Variants in ARHGAP36 observed in about 807,000 individuals in gnomAD.
ARHGAP36 encodes the protein rho GTPase-activating protein 36.
A neutral mutation model predicts 32.9 loss-of-function variants in ARHGAP36; 7 were observed. The observed-to-expected ratio is 0.21, with a 90% CI of 0.12 to 0.40. The LOEUF is 0.40. ARHGAP36 is among the 10% of genes least tolerant of loss of function. The pLI is 1.00. For missense variants in ARHGAP36, 383 were observed against 442.2 expected, an observed-to-expected ratio of 0.87 and a Z score of 1.20; for synonymous variants, 165 against 168.3, an observed-to-expected ratio of 0.98 and a Z score of 0.15.
chrX:131,064,016 T>A (rs1386683346), intron 1 of ARHGAP36, among the ~76,000 whole-genome samples: 9 of 111,986 alleles, frequency 8.0e-5, no homozygotes, highest in Admixed American at 4.7e-4. Context: ...TCAACGTAGG[T>A]GGCTGCTAGA....
In ARHGAP36 at chrX:131,088,764, C is replaced by T. The variant is rs367946269; in HGVS notation, c.1623C>T (p.Gly541=). ...CCCGGGAGAAGGAGGCCAAAACTGG[C>T]GTCAGCTACTTCTTTCCTTAGATGT... is the stretch of plus-strand genomic sequence containing the variant. The part of the protein sequence containing the change: ...RVPREKEAKT[G]VSYFFP Residue 541 remains glycine, a synonymous_variant, in exon 12 of 12, where the codon GGC becomes GGT. Coordinates refer to ENST00000276211, the MANE Select transcript of ARHGAP36 (RefSeq NM_144967.4). 82 of 1,207,299 alleles carry T rather than the reference C, an allele frequency of 6.8e-5. No homozygotes were observed. The highest frequency in any genetic ancestry group is 8.8e-5 in the Non-Finnish European group (79 of 894,308).
At chrX:131,086,481 G>C in intron 10 of ARHGAP36, 55 bp downstream of exon 10, 1 of 1,199,570 alleles carries the variant, frequency 8.3e-7, no homozygotes, top group South Asian at 1.8e-5. Flanking sequence ...CTCCTATGGG[G>C]TTTTCCAACT....
intron 1 of ARHGAP36, among the ~76,000 whole-genome samples, chrX:131,071,009 C>T (rs769560705): frequency 1.8e-5 from 2 of 110,584 alleles, no homozygotes; most frequent in African/African-American, 6.6e-5. Context: ...AAAAAGCAAG[C>T]GTCACCAGAA....
Position 131,086,349 on chromosome X carries a change from G to A in ARHGAP36, c.1302G>A (p.Arg434=), listed in dbSNP as rs2079835430. The change falls in exon 10 of 12, where the codon AGG becomes AGA. Residue 434 remains arginine (R), a synonymous_variant. Coordinates refer to ENST00000276211, the MANE Select transcript of ARHGAP36 (RefSeq NM_144967.4). ...CTCAGGTGCCTCCCCATATTCAGAG[G>A]CAGGTTGCTAAGCGCGTGTGGAAGT... ...VLFQVPPHIQ[R]QVAKRVWKSS... 8.3e-7 allele frequency: 1 copy of A among 1,211,867 alleles called. No individual in the cohort carries two copies. Among genetic ancestry groups the A allele is most frequent in the African/African-American group, 1.7e-5 (1 of 57,785 alleles).
intron 1 of ARHGAP36, among the ~76,000 whole-genome samples, chrX:131,058,785 A>G (rs903945832): frequency 3.5e-5 from 4 of 113,284 alleles, no homozygotes; most frequent in Non-Finnish European, 7.5e-5. Flanking sequence ...CTCAAGGCCC[A>G]AGGATGAATG....
At chrX:131,073,292 C>A (rs1184403277) in intron 1 of ARHGAP36, among the ~76,000 whole-genome samples, 1 of 113,014 alleles carries the variant, frequency 8.8e-6, no homozygotes, top group Non-Finnish European at 1.9e-5. Flanking sequence ...CTGGAGCTAC[C>A]CAGGGGCAGG....
Position 131,077,031 on chromosome X carries a change from A to G in ARHGAP36, c.-142-4493A>G, listed in dbSNP as rs186135463. Reference sequence around the variant, plus strand: ...TTGGAGCGTCATCACCACATTGTATAAAATGAGCCATATTGTTCATTGCAT... The same window carrying G: ...TTGGAGCGTCATCACCACATTGTATGAAATGAGCCATATTGTTCATTGCAT... On this transcript the variant is annotated intron_variant, in intron 1 of 11. Coordinates refer to ENST00000276211, the MANE Select transcript of ARHGAP36 (RefSeq NM_144967.4). 4.9e-3 allele frequency among the ~76,000 whole-genome samples: 552 copies of G among 112,374 alleles called. 4 individuals carry two copies. Among genetic ancestry groups the G allele is most frequent in the African/African-American group, 0.016 (510 of 30,940 alleles).
chrX:131,074,254 G>T (rs935290939), intron 1 of ARHGAP36, among the ~76,000 whole-genome samples: 2 of 111,692 alleles, frequency 1.8e-5, no homozygotes, highest in Admixed American at 1.9e-4. Flanking sequence ...AGATATTGAT[G>T]ACCCTTCTTT....
At chrX:131,076,293 A>G (rs1201864619) in intron 1 of ARHGAP36, among the ~76,000 whole-genome samples, 1 of 112,428 alleles carries the variant, frequency 8.9e-6, no homozygotes, top group African/African-American at 3.2e-5. Flanking sequence ...GGAAAAAATG[A>G]TATGCATGAC....
At chrX:131,065,060 T>C (rs1007022695) in intron 1 of ARHGAP36, among the ~76,000 whole-genome samples, 4 of 111,074 alleles carry the variant, frequency 3.6e-5, no homozygotes, top group Admixed American at 1.9e-4. Context: ...TGTGTGTGTG[T>C]GTGTGTGTCT....
At chrX:131,072,636 T>C (rs1449213957) in intron 1 of ARHGAP36, among the ~76,000 whole-genome samples, 2 of 111,259 alleles carry the variant, frequency 1.8e-5, no homozygotes, top group Admixed American at 9.5e-5. Context: ...TACTGTGAGA[T>C]TGTGTGGCAT....
intron 9 of ARHGAP36, 117 bp from the exon 10 acceptor site, chrX:131,086,212 G>A: frequency 9.0e-7 from 1 of 1,110,063 alleles, no homozygotes; most frequent in East Asian, 3.0e-5. Flanking sequence ...GTCCAGTCTA[G>A]AAATTCCTCC....
In ARHGAP36 at chrX:131,084,347, C is replaced by A; in HGVS notation, c.688C>A (p.Pro230Thr). Residue 230 changes from proline (P) to threonine (T), a missense_variant, in exon 5 of 12, where the codon CCG (proline) becomes ACG (threonine). Coordinates refer to ENST00000276211, the MANE Select transcript of ARHGAP36 (RefSeq NM_144967.4). ...ATCCAAAAGGAAGATGAGTCTCAAT[C>A]CGATTGCGAAACAAATCCCCCAGGT... ...LGSKRKMSLN[P>T]IAKQIPQVVE... is the part of the protein sequence containing the mutation. The A allele has an allele frequency of 8.3e-7, 1 of 1,210,943 alleles. No individual in the cohort carries two copies. The highest frequency in any genetic ancestry group is 1.1e-6 in the Non-Finnish European group (1 of 895,321).
At chrX:131,079,269 C>T (rs2079781749) in intron 1 of ARHGAP36, among the ~76,000 whole-genome samples, 1 of 112,022 alleles carries the variant, frequency 8.9e-6, no homozygotes, top group Non-Finnish European at 1.9e-5. Flanking sequence ...TGGTTAAATG[C>T]ATGTGCCTTT....
At chrX:131,062,193 A>C (rs1162405269) in intron 1 of ARHGAP36, among the ~76,000 whole-genome samples, 3 of 112,597 alleles carry the variant, frequency 2.7e-5, no homozygotes, top group Non-Finnish European at 5.6e-5. Flanking sequence ...TATGATTGTA[A>C]CTGTCAAATA....
chrX:131,061,193 T>C (rs1033238754), intron 1 of ARHGAP36, among the ~76,000 whole-genome samples: 1 of 110,246 alleles, frequency 9.1e-6, no homozygotes, highest in African/African-American at 3.3e-5. Flanking sequence ...TTTGTTGATG[T>C]TTGCTATTTT....
At chrX:131,083,509 G>A (rs1253437956) in intron 3 of ARHGAP36, among the ~76,000 whole-genome samples, 1 of 112,031 alleles carries the variant, frequency 8.9e-6, no homozygotes. Flanking sequence ...AAAATTTAAG[G>A]CAGGGACCTC....
At chrX:131,080,659 C>T (rs773059525) in intron 1 of ARHGAP36, among the ~76,000 whole-genome samples, 9 of 112,284 alleles carry the variant, frequency 8.0e-5, no homozygotes, top group Non-Finnish European at 1.5e-4. Flanking sequence ...TACCATTACA[C>T]TAAGACAAAC....
intron 2 of ARHGAP36, among the ~76,000 whole-genome samples, chrX:131,082,536 C>G (rs1391663527): frequency 8.9e-6 from 1 of 112,931 alleles, no homozygotes; most frequent in Non-Finnish European, 1.9e-5. Flanking sequence ...GCAGCGGAGC[C>G]CAGGCGGTTA....
Sources: gnomAD v4.1 joint callset for allele counts (sites outside exome capture counted in the v4.1 genomes callset) on GRCh38, gnomAD v4.1.1 for gene constraint, MANE v1.5 for transcripts, NCBI Gene and HGNC (gene_info 2026-07-23, HGNC 2026-07-21) for gene names.